Variants in DOCK2 observed in about 807,000 individuals in gnomAD.
DOCK2 encodes the protein dedicator of cytokinesis 2.
A neutral mutation model predicts 248.9 loss-of-function variants in DOCK2; 87 were observed. The observed-to-expected ratio is 0.35, with a 90% CI of 0.29 to 0.42. The LOEUF is 0.42. Ranked by LOEUF, DOCK2 falls within the 10% of genes least tolerant of loss-of-function variation. The pLI is 1.00. For missense variants in DOCK2, 1,747 were observed against 2,300.2 expected (o/e 0.76, Z 4.92); for synonymous variants, 805 against 821.6 (o/e 0.98, Z 0.35).
At chr5:169,736,577 T>C (rs1763054203) in intron 22 of DOCK2, among the ~76,000 whole-genome samples, 1 of 152,268 alleles carries the variant, frequency 6.6e-6, no homozygotes, top group Non-Finnish European at 1.5e-5. Flanking sequence ...TGGGCTTTTG[T>C]CATGGTGTTC....
intron 36 of DOCK2, among the ~76,000 whole-genome samples, chr5:170,039,859 C>T (rs780251518): frequency 6.6e-6 from 1 of 152,234 alleles, no homozygotes; most frequent in African/African-American, 2.4e-5. Flanking sequence ...CCTCTCCTCT[C>T]ACATGAAGAA....
At chr5:169,694,583 G>A (rs908150895) in intron 9 of DOCK2, among the ~76,000 whole-genome samples, 3 of 152,204 alleles carry the variant, frequency 2.0e-5, no homozygotes, top group African/African-American at 7.2e-5. Flanking sequence ...AAATGGGGAT[G>A]CAATAATTGT....
At chr5:170,057,920 G>T (rs1229260429) in intron 44 of DOCK2, among the ~76,000 whole-genome samples, 1 of 152,060 alleles carries the variant, frequency 6.6e-6, no homozygotes, top group Non-Finnish European at 1.5e-5. Flanking sequence ...CTGATGAATG[G>T]GGAGCTTCTG....
intron 26 of DOCK2, among the ~76,000 whole-genome samples, chr5:169,818,472 G>C (rs1032933373): frequency 6.6e-6 from 1 of 152,172 alleles, no homozygotes; most frequent in Non-Finnish European, 1.5e-5. Context: ...AACTAGCCGG[G>C]TGGTACTGGG....
At chr5:169,748,978 C>G (rs1488144566) in intron 23 of DOCK2, among the ~76,000 whole-genome samples, 1 of 152,228 alleles carries the variant, frequency 6.6e-6, no homozygotes, top group East Asian at 1.9e-4. Context: ...ATGCCCACAT[C>G]TCTCTGGTCA....
At chr5:169,980,116 G>A (rs1777887904) in intron 27 of DOCK2, among the ~76,000 whole-genome samples, 1 of 152,008 alleles carries the variant, frequency 6.6e-6, no homozygotes. Context: ...TGACAATGGT[G>A]GATTTTCCAC....
chr5:169,913,527 C>T (rs1044806193), intron 27 of DOCK2, among the ~76,000 whole-genome samples: 1 of 152,042 alleles, frequency 6.6e-6, no homozygotes, highest in African/African-American at 2.4e-5. Flanking sequence ...TGTTTAAATG[C>T]ATTACTCAAA....
At chr5:169,876,705 A>G (rs1288619325) in intron 27 of DOCK2, among the ~76,000 whole-genome samples, 1 of 152,246 alleles carries the variant, frequency 6.6e-6, no homozygotes, top group Non-Finnish European at 1.5e-5. Flanking sequence ...ATTGAGAACC[A>G]GTTACATAGA....
At chr5:169,714,791 A>G (rs186172647) in intron 19 of DOCK2, among the ~76,000 whole-genome samples, 1 of 152,304 alleles carries the variant, frequency 6.6e-6, no homozygotes, top group Non-Finnish European at 1.5e-5. Context: ...ATGAGCATTC[A>G]AGGTGATAAT....
chr5:169,936,730 C>T (rs562113420), intron 27 of DOCK2, among the ~76,000 whole-genome samples: 1 of 152,004 alleles, frequency 6.6e-6, no homozygotes, highest in Non-Finnish European at 1.5e-5. Flanking sequence ...AGATTTGGTG[C>T]ACCAACACTG....
chr5:169,942,178 T>C (rs1487434662), intron 27 of DOCK2, among the ~76,000 whole-genome samples: 1 of 152,226 alleles, frequency 6.6e-6, no homozygotes, highest in Non-Finnish European at 1.5e-5. Context: ...TAGCATATCT[T>C]ATTTATGGCA....
chr5:169,934,681 T>C (rs259899), intron 27 of DOCK2: 3 of 456,100 alleles, frequency 6.6e-6, no homozygotes, highest in Admixed American at 4.7e-5. Flanking sequence ...CTGAACCGAT[T>C]GGGTGCTACG....
intron 9 of DOCK2, among the ~76,000 whole-genome samples, chr5:169,691,936 A>C (rs2113412850): frequency 6.6e-6 from 1 of 151,454 alleles, no homozygotes; most frequent in East Asian, 1.9e-4. Context: ...GCTCACTGCA[A>C]CCTCCACCTC....
intron 27 of DOCK2, among the ~76,000 whole-genome samples, chr5:169,858,854 T>A (rs78470552): frequency 0.11 from 16,158 of 151,578 alleles, 1,006 homozygotes; most frequent in African/African-American, 0.16. Context: ...ATAATTATTT[T>A]AAAAAAAACA....
At position 169,803,141 on chromosome 5, in the gene DOCK2, C is replaced by G; in HGVS notation, c.2638C>G (p.Leu880Val). The part of the protein sequence containing the change: ...EQKDDMQHQV[L>V]ERKYCVELLN... ...GAAGGATGACATGCAACACCAGGTC[C>G]TGGAGAGGAAGTACTGCGTTGAATT... Residue 880 changes from leucine (L) to valine (V), a missense_variant, in exon 26 of 52, where the codon CTG becomes GTG. Coordinates refer to ENST00000520908, the MANE Select transcript of DOCK2 (RefSeq NM_004946.3). 6.2e-7 allele frequency: 1 copy of G among 1,614,154 alleles called. No individual in the cohort carries two copies. The highest frequency in any genetic ancestry group is 8.5e-7 in the Non-Finnish European group (1 of 1,180,016).
At chr5:169,717,550 C>T (rs1198266526) in intron 21 of DOCK2, 66 bp downstream of exon 21, 1 of 1,441,860 alleles carries the variant, frequency 6.9e-7, no homozygotes, top group Non-Finnish European at 9.8e-7. Flanking sequence ...ATGCCTAGGG[C>T]ACAGGAACTT....
intron 36 of DOCK2, among the ~76,000 whole-genome samples, chr5:170,038,654 C>T (rs1215941348): frequency 6.6e-6 from 1 of 152,104 alleles, no homozygotes; most frequent in Non-Finnish European, 1.5e-5. Flanking sequence ...GTGCTACTCC[C>T]CGTCCACCTC....
chr5:170,026,395 T>C (rs1465895892), intron 33 of DOCK2, among the ~76,000 whole-genome samples: 1 of 152,136 alleles, frequency 6.6e-6, no homozygotes, highest in Non-Finnish European at 1.5e-5. Context: ...TCTTCATGCA[T>C]TGTCACATTT....
intron 26 of DOCK2, among the ~76,000 whole-genome samples, chr5:169,839,488 C>A (rs1769805856): frequency 6.6e-6 from 1 of 152,180 alleles, no homozygotes; most frequent in Non-Finnish European, 1.5e-5. Flanking sequence ...GGCCTTTCCA[C>A]TTGGCCATGG....
Sources: gnomAD v4.1 joint callset for allele counts (sites outside exome capture counted in the v4.1 genomes callset) on GRCh38, gnomAD v4.1.1 for gene constraint, MANE v1.5 for transcripts, NCBI Gene and HGNC (gene_info 2026-07-23, HGNC 2026-07-21) for gene names.